The following SLC36A1 variants were observed in gnomAD, a reference collection of about 807,000 sequenced individuals.
SLC36A1 encodes the protein solute carrier family 36 member 1.
Under a neutral mutation model 47.5 loss-of-function variants are expected in SLC36A1, and 30 were observed. The observed-to-expected ratio is 0.63, with a 90% CI of 0.47 to 0.86. The LOEUF (loss-of-function observed/expected upper bound fraction) is 0.86. Among genes scored for constraint, SLC36A1 ranks in the 40% least tolerant of loss-of-function variants. SLC36A1 has a pLI of 0.00. For missense variants in SLC36A1, 517 were observed against 606.0 expected, an observed-to-expected ratio of 0.85 and a Z score of 1.54; for synonymous variants, 255 against 249.7, an observed-to-expected ratio of 1.02 and a Z score of -0.20.
the SLC36A1 span, chr5:151,512,408 C>T: frequency 2.0e-5 from 33 of 1,614,124 alleles, no homozygotes; most frequent in African/African-American, 1.6e-4. This position sits in a 1 kb window ranked among gnomAD's most constrained non-coding sequence, Gnocchi z 4.1. Context: ...AGGTGCCTTT[C>T]GGGCCTCAGA....
chr5:151,537,075 A>C, the SLC36A1 span, among the ~76,000 whole-genome samples: 7 of 152,234 alleles, frequency 4.6e-5, no homozygotes, highest in Non-Finnish European at 1.0e-4. Flanking sequence ...GTGATCTTTT[A>C]CTTAAGATCC....
the SLC36A1 span, among the ~76,000 whole-genome samples, chr5:151,369,689 C>G: frequency 1.3e-5 from 2 of 152,206 alleles, no homozygotes; most frequent in African/African-American, 4.8e-5. Flanking sequence ...GCTATATTGC[C>G]CAGGTTGGTC....
the SLC36A1 span, among the ~76,000 whole-genome samples, chr5:151,367,653 G>A: frequency 1.3e-5 from 2 of 152,082 alleles, no homozygotes; most frequent in Non-Finnish European, 2.9e-5. Flanking sequence ...CTGAGGTGAC[G>A]TACATCCTCA....
chr5:151,396,345 C>T, the SLC36A1 span, among the ~76,000 whole-genome samples: 1 of 151,926 alleles, frequency 6.6e-6, no homozygotes, highest in Admixed American at 6.6e-5. Context: ...TTGTGATCCA[C>T]CCGTCTCGGC....
chr5:151,385,454 G>A, the SLC36A1 span, among the ~76,000 whole-genome samples: 11 of 152,254 alleles, frequency 7.2e-5, no homozygotes, highest in Admixed American at 5.2e-4. Context: ...ACCCAGAATC[G>A]CCATCCAAAT....
Position 151,463,621 on chromosome 5 carries a change from C to T in SLC36A1, c.212C>T (p.Ala71Val), listed in dbSNP as rs1328799561. ...IGTGLLGLPLAVKNAGIVMGP... is the reference protein window; with the variant it reads ...IGTGLLGLPLVVKNAGIVMGP... Reference sequence around the variant, plus strand: ...ACAGGACTCCTGGGACTCCCTCTGGCGGTGAAAAATGCAGGCATCGTGGTA... The same window carrying T: ...ACAGGACTCCTGGGACTCCCTCTGGTGGTGAAAAATGCAGGCATCGTGGTA... The change falls in exon 3 of 11, where the codon GCG becomes GTG. Residue 71 changes from alanine (A) to valine (V), a missense_variant. Physicochemically the swap from Ala to Val is moderately conservative, Grantham distance 64 (BLOSUM62 0). Coordinates refer to ENST00000243389, the MANE Select transcript of SLC36A1 (RefSeq NM_078483.4). 1.2e-5 allele frequency: 19 copies of T among 1,613,936 alleles called. No homozygotes were observed. The highest frequency in any genetic ancestry group is 1.7e-5 in the Admixed American group (1 of 59,996).
At chr5:151,450,683 C>G (rs1042041376) in intron 1 of SLC36A1, among the ~76,000 whole-genome samples, 1 of 152,188 alleles carries the variant, frequency 6.6e-6, no homozygotes, top group Non-Finnish European at 1.5e-5. Context: ...ATTAAGTACT[C>G]CTGCTTTTTC....
At chr5:151,353,532 G>A in the SLC36A1 span, among the ~76,000 whole-genome samples, 1 of 152,090 alleles carries the variant, frequency 6.6e-6, no homozygotes, top group Non-Finnish European at 1.5e-5. Flanking sequence ...GCAACGGAGT[G>A]AGACATTTGT....
At chr5:151,418,739 T>C in the SLC36A1 span, among the ~76,000 whole-genome samples, 1 of 152,190 alleles carries the variant, frequency 6.6e-6, no homozygotes, top group African/African-American at 2.4e-5. Context: ...GGGTTAATGA[T>C]GGAATAAATT....
chr5:151,543,287 C>T, the SLC36A1 span: 4 of 1,614,210 alleles, frequency 2.5e-6, no homozygotes, highest in Non-Finnish European at 3.4e-6. Context: ...TTCTGACCTT[C>T]ATCTGCATCA....
In SLC36A1 at chr5:151,488,504, C is replaced by T. The variant is rs960274628; in HGVS notation, c.*250C>T. 1.9e-6 allele frequency: 1 copy of T among 518,390 alleles called. No homozygotes were observed. Among genetic ancestry groups the T allele is most frequent in the Admixed American group, 3.4e-5 (1 of 29,260 alleles). 32.1% of individuals were successfully genotyped at this position (518,390 alleles called of 1,614,324 possible). A position where few individuals can be genotyped will look rare whatever the true frequency, so the allele number is the denominator to read the frequency against. ...CACCTGTACCTATTTACACCCAGAACTTTCCAGCTCCCCCTCATCATGCCT... is the reference window on the plus strand; with the variant it reads ...CACCTGTACCTATTTACACCCAGAATTTTCCAGCTCCCCCTCATCATGCCT... On this transcript the variant is annotated 3_prime_UTR_variant, in exon 11 of 11. Coordinates refer to ENST00000243389, the MANE Select transcript of SLC36A1 (RefSeq NM_078483.4).
chr5:151,500,791 G>C, the SLC36A1 span, among the ~76,000 whole-genome samples: 1 of 152,242 alleles, frequency 6.6e-6, no homozygotes, highest in Non-Finnish European at 1.5e-5. Flanking sequence ...TGACGGTCAC[G>C]ATGGTGAACT....
At chr5:151,356,592 C>T in the SLC36A1 span, among the ~76,000 whole-genome samples, 1 of 152,058 alleles carries the variant, frequency 6.6e-6, no homozygotes, top group Non-Finnish European at 1.5e-5. Flanking sequence ...TGGCTCTCCT[C>T]CTGAATTTTT....
the SLC36A1 span, among the ~76,000 whole-genome samples, chr5:151,417,115 T>C: frequency 3.9e-5 from 6 of 152,200 alleles, no homozygotes; most frequent in Non-Finnish European, 5.9e-5. Context: ...CAGTTCTTCA[T>C]AGCAGTGTGA....
At chr5:151,534,324 C>A in the SLC36A1 span, 1 of 1,109,560 alleles carries the variant, frequency 9.0e-7, no homozygotes, top group African/African-American at 1.6e-5. Flanking sequence ...CTTACCAGTC[C>A]TAGAGAGACA....
the SLC36A1 span, chr5:151,380,210 G>C: frequency 9.8e-6 from 2 of 204,094 alleles, no homozygotes; most frequent in African/African-American, 4.6e-5. Flanking sequence ...ACATTAAAAG[G>C]ATAATAAGGA....
chr5:151,407,232 T>G, the SLC36A1 span, among the ~76,000 whole-genome samples: 1 of 152,340 alleles, frequency 6.6e-6, no homozygotes, highest in Non-Finnish European at 1.5e-5. Context: ...TGCTGCTGGC[T>G]CTAGTGGCCA....
intron 2 of SLC36A1, chr5:151,459,659 G>A (rs1755215649): frequency 6.6e-6 from 1 of 152,250 alleles, no homozygotes; most frequent in Non-Finnish European, 1.5e-5. Flanking sequence ...ACTTTTCTCT[G>A]TGTCCCAGCA....
chr5:151,405,184 C>CTTCCAACTGTA, the SLC36A1 span, among the ~76,000 whole-genome samples: 1 of 152,074 alleles, frequency 6.6e-6, no homozygotes, highest in Non-Finnish European at 1.5e-5. Flanking sequence ...GTTATTAAGG[C>CTTCCAACTGTA]TTCCAACTGT....
Sources: gnomAD v4.1 joint callset for allele counts (sites outside exome capture counted in the v4.1 genomes callset) on GRCh38, gnomAD v4.1.1 for gene constraint, Gnocchi (gnomAD v3.1) non-coding constraint, MANE v1.5 for transcripts, NCBI Gene and HGNC (gene_info 2026-07-23, HGNC 2026-07-21) for gene names.